SEMA3E: variants seen among roughly 807,000 people sequenced by gnomAD.
The protein encoded by SEMA3E is semaphorin 3E, also known as semaphorin-3E.
SEMA3E carries 49 observed loss-of-function variants against 93.6 expected under a neutral mutation model. That is an observed-to-expected ratio of 0.52 (90% CI 0.42 to 0.66). The LOEUF (loss-of-function observed/expected upper bound fraction) is 0.66, where lower values mean the gene tolerates loss of function less well. SEMA3E is among the 30% of genes least tolerant of loss of function. The pLI is 0.00. For missense variants in SEMA3E, 906 were observed against 964.8 expected (o/e 0.94, Z 0.81); for synonymous variants, 363 against 330.7 (o/e 1.10, Z -1.06).
At chr7:83,558,298 G>A (rs1343994810) in intron 1 of SEMA3E, among the ~76,000 whole-genome samples, 3 of 152,098 alleles carry the variant, frequency 2.0e-5, no homozygotes, top group Admixed American at 6.6e-5. Flanking sequence ...AATTATGTAT[G>A]TGAAAAACAT....
At chr7:83,461,852 A>G (rs1029068908) in intron 4 of SEMA3E, among the ~76,000 whole-genome samples, 2 of 152,192 alleles carry the variant, frequency 1.3e-5, no homozygotes, top group African/African-American at 4.8e-5. Flanking sequence ...CCCCAGCCAC[A>G]TCTCCAACAC....
intron 16 of SEMA3E, among the ~76,000 whole-genome samples, chr7:83,373,895 C>T: frequency 6.6e-6 from 1 of 152,162 alleles, no homozygotes; most frequent in East Asian, 1.9e-4. Flanking sequence ...AACATTCAAC[C>T]TCACTAGTAA....
At chr7:83,524,461 A>T (rs1791111074) in intron 1 of SEMA3E, among the ~76,000 whole-genome samples, 1 of 152,140 alleles carries the variant, frequency 6.6e-6, no homozygotes, top group Non-Finnish European at 1.5e-5. Context: ...CTAAGTTAGC[A>T]ATTCTAGGAA....
chr7:83,374,978 A>C (rs1794801220), intron 16 of SEMA3E, among the ~76,000 whole-genome samples: 3 of 152,094 alleles, frequency 2.0e-5, no homozygotes, highest in Admixed American at 6.6e-5. Flanking sequence ...AAAACCAAAA[A>C]CAAAAACTCC....
chr7:83,573,939 C>A (rs1424742216), intron 1 of SEMA3E, among the ~76,000 whole-genome samples: 2 of 151,762 alleles, frequency 1.3e-5, no homozygotes, highest in African/African-American at 2.4e-5. Context: ...TACTGAAAAT[C>A]ATTTATAAAA....
chr7:83,632,923 A>G (rs1793815253), intron 1 of SEMA3E, among the ~76,000 whole-genome samples: 1 of 152,166 alleles, frequency 6.6e-6, no homozygotes, highest in African/African-American at 2.4e-5. Context: ...ACCTATCTGG[A>G]AGCCATGGAC....
At chr7:83,425,706 T>C (rs1788756838) in intron 4 of SEMA3E, among the ~76,000 whole-genome samples, 2 of 152,164 alleles carry the variant, frequency 1.3e-5, no homozygotes, top group South Asian at 4.1e-4. Context: ...TTTGCCTGGA[T>C]ATCATTCTGA....
At chr7:83,508,205 C>T (rs1790742931) in intron 1 of SEMA3E, among the ~76,000 whole-genome samples, 1 of 151,586 alleles carries the variant, frequency 6.6e-6, no homozygotes, top group African/African-American at 2.4e-5. Flanking sequence ...TTAGTGTGAA[C>T]ATTCCTGAAT....
intron 1 of SEMA3E, among the ~76,000 whole-genome samples, chr7:83,589,883 T>C (rs1277423885): frequency 6.6e-6 from 1 of 152,110 alleles, no homozygotes; most frequent in African/African-American, 2.4e-5. Context: ...AATGCATGCT[T>C]GGTCTAAAAA....
intron 1 of SEMA3E, among the ~76,000 whole-genome samples, chr7:83,591,967 G>C (rs1169967583): frequency 6.6e-6 from 1 of 151,906 alleles, no homozygotes; most frequent in East Asian, 1.9e-4. Context: ...TGCATATATA[G>C]TCATGCAAAA....
chr7:83,428,860 CAAT>C (rs969687161), intron 4 of SEMA3E, among the ~76,000 whole-genome samples: 32 of 152,066 alleles, frequency 2.1e-4, no homozygotes, highest in African/African-American at 7.5e-4. Context: ...TAAACAGGGT[CAAT>C]AATATTTTCC....
At chr7:83,454,257 C>CAAAAAAAAAAAAA (rs1157801830) in intron 4 of SEMA3E, among the ~76,000 whole-genome samples, 1 of 44,960 alleles carries the variant, frequency 2.2e-5, no homozygotes, top group African/African-American at 8.0e-5. Context: ...GACTCCGACT[C>CAAAAAAAAAAAAA]AAAAAAAAAA....
At position 83,367,150 on chromosome 7, in the gene SEMA3E, A is replaced by G. The variant is rs1794681069; in HGVS notation, c.*436T>C. The G allele has an allele frequency of 3.0e-5, 6 of 200,980 alleles. No individual in the cohort carries two copies. The South Asian group carries it at 3.3e-4, about 11-fold the overall frequency. 12.4% of individuals were successfully genotyped at this position (200,980 alleles called of 1,614,324 possible). A position where few individuals can be genotyped will look rare whatever the true frequency, so the allele number is the denominator to read the frequency against. ...AAAGTTCACATGAGAATGCCAAAGT[A>G]TCTTGTATTCTGCATATCTTACATT... On this transcript the variant is annotated 3_prime_UTR_variant, in exon 17 of 17. Transcript: ENST00000643230.
intron 4 of SEMA3E, among the ~76,000 whole-genome samples, chr7:83,463,201 T>C (rs1333068406): frequency 2.0e-5 from 3 of 151,512 alleles, no homozygotes; most frequent in African/African-American, 7.3e-5. Context: ...TTCCTAGGCA[T>C]GGTTAGCGCG....
intron 1 of SEMA3E, among the ~76,000 whole-genome samples, chr7:83,614,755 C>T (rs1315394732): frequency 2.0e-5 from 3 of 152,088 alleles, no homozygotes; most frequent in African/African-American, 7.2e-5. Flanking sequence ...ATTACACTCT[C>T]AGTCTCAAAG....
Position 83,648,553 on chromosome 7 carries a change from T to C in SEMA3E, c.-11A>G. On this transcript the variant is annotated 5_prime_UTR_variant, in exon 1 of 17. Transcript: ENST00000643230. ...CCCCGCGGATGCCATGCTGCCGTGTTCACCGTCCAAGCCCTCGCTCCTCAC... is the reference window on the plus strand; with the variant it reads ...CCCCGCGGATGCCATGCTGCCGTGTCCACCGTCCAAGCCCTCGCTCCTCAC... 1 of 1,601,776 alleles carries C rather than the reference T, an allele frequency of 6.2e-7. No homozygotes were observed. Among genetic ancestry groups the C allele is most frequent in the Non-Finnish European group, 8.6e-7 (1 of 1,169,202 alleles).
intron 1 of SEMA3E, among the ~76,000 whole-genome samples, chr7:83,629,643 C>A (rs1030346904): frequency 6.6e-6 from 1 of 152,128 alleles, no homozygotes; most frequent in African/African-American, 2.4e-5. Flanking sequence ...CCCCTCCCCC[C>A]AAGCTTGAGT....
At chr7:83,538,153 T>C (rs1584317134) in intron 1 of SEMA3E, among the ~76,000 whole-genome samples, 1 of 152,188 alleles carries the variant, frequency 6.6e-6, no homozygotes, top group East Asian at 1.9e-4. Flanking sequence ...TGAATAATGC[T>C]ACTATAAACA....
chr7:83,402,766 G>A lies in SEMA3E; in HGVS notation c.1009C>T (p.Arg337Ter), dbSNP rs965528935. The part of the protein sequence containing the change: ...GLFNTTSNIF[R>*]GHAICVYHMS... ...TGATAGACACATATAGCATGCCCTCGAAAAATATTACTGAAAAATACAAAA... is the reference window on the plus strand; with the variant it reads ...TGATAGACACATATAGCATGCCCTCAAAAAATATTACTGAAAAATACAAAA... The change falls in exon 10 of 17, where the codon CGA becomes TGA. Residue 337 changes from arginine to a stop codon, truncating the protein, a stop_gained. Transcript: ENST00000643230. LOFTEE classifies it high-confidence loss of function. 22 of 1,612,070 alleles carry A rather than the reference G, an allele frequency of 1.4e-5. No homozygotes were observed. Among genetic ancestry groups the A allele is most frequent in the South Asian group, 2.2e-5 (2 of 91,036 alleles).
Sources: gnomAD v4.1 joint callset for allele counts (sites outside exome capture counted in the v4.1 genomes callset) on GRCh38, gnomAD v4.1.1 for gene constraint, MANE v1.5 for transcripts, NCBI Gene and HGNC (gene_info 2026-07-23, HGNC 2026-07-21) for gene names.